The following MAP2 variants were observed in gnomAD, a reference collection of about 807,000 sequenced individuals.
MAP2 encodes microtubule-associated protein 2.
In MAP2, 14 loss-of-function variants were observed where a neutral mutation model predicts 137.6. The ratio of observed to expected loss-of-function variants is 0.10; its 90% CI spans 0.07 to 0.16. The LOEUF (loss-of-function observed/expected upper bound fraction) is 0.16, where lower values mean the gene tolerates loss of function less well. Ranked by LOEUF, MAP2 falls within the 10% of genes least tolerant of loss-of-function variation. The probability of loss-of-function intolerance (pLI) is 1.00; values close to 1 mark genes in which losing one functional copy is unlikely to be tolerated. For missense variants in MAP2, 2,088 were observed against 2,191.5 expected (o/e 0.95, Z 0.94); for synonymous variants, 786 against 782.3 (o/e 1.00, Z -0.08).
chr2:209,459,653 T>C lies in MAP2; in HGVS notation c.-222+35377T>C, dbSNP rs77153398. ...CTCTATGAGACTCCCTGGACTCTCT[T>C]ACATCTGAGGTGCTTTTCTACTGCC... On this transcript the variant is annotated intron_variant, in intron 1 of 15. Coordinates refer to ENST00000682079, the MANE Select transcript of MAP2 (RefSeq NM_001375505.1). Among the ~76,000 whole-genome samples, 1,231 of 152,332 alleles carry C rather than the reference T, an allele frequency of 8.1e-3. 15 individuals carry two copies. The highest frequency in any genetic ancestry group is 0.026 in the African/African-American group (1,099 of 41,568).
intron 2 of MAP2, among the ~76,000 whole-genome samples, chr2:209,554,743 T>G (rs928585023): frequency 2.6e-5 from 4 of 151,518 alleles, no homozygotes; most frequent in African/African-American, 9.7e-5. Flanking sequence ...CAACAGAGAC[T>G]GTCTCAAAAA....
In MAP2 at chr2:209,525,684, T is replaced by G. The variant is rs902680645; in HGVS notation, c.-172+18043T>G. ...TCTAACTAAAGCTTTACCAAAAGAATCCCAAAGAAGATAAACTTTCAAAAT... is the reference window on the plus strand; with the variant it reads ...TCTAACTAAAGCTTTACCAAAAGAAGCCCAAAGAAGATAAACTTTCAAAAT... On this transcript the variant is annotated intron_variant, in intron 2 of 15. Coordinates refer to ENST00000682079, the MANE Select transcript of MAP2 (RefSeq NM_001375505.1). Among the ~76,000 whole-genome samples, 7 of 152,114 alleles carry G rather than the reference T, an allele frequency of 4.6e-5. 1 individual carries two copies. Among genetic ancestry groups the G allele is most frequent in the African/African-American group, 1.7e-4 (7 of 41,442 alleles).
At chr2:209,482,180 G>A (rs2057792738) in intron 1 of MAP2, among the ~76,000 whole-genome samples, 1 of 152,180 alleles carries the variant, frequency 6.6e-6, no homozygotes, top group Admixed American at 6.5e-5. Flanking sequence ...GACTGATCAT[G>A]TGTCTTAGCT....
intron 12 of MAP2, among the ~76,000 whole-genome samples, chr2:209,708,479 A>G (rs953954637): frequency 6.6e-5 from 10 of 152,270 alleles, no homozygotes; most frequent in African/African-American, 4.8e-5. Context: ...GATAGAACCT[A>G]TGGTGATGGG....
At chr2:209,712,527 G>A (rs2153776066) in intron 13 of MAP2, among the ~76,000 whole-genome samples, 1 of 152,248 alleles carries the variant, frequency 6.6e-6, no homozygotes, top group South Asian at 2.1e-4. Flanking sequence ...GAAGTAGGAG[G>A]TATTTCCTCA....
chr2:209,624,778 G>A (rs1208745692), intron 3 of MAP2, among the ~76,000 whole-genome samples: 2 of 152,168 alleles, frequency 1.3e-5, no homozygotes, highest in Non-Finnish European at 2.9e-5. Flanking sequence ...TCCCTTGGAT[G>A]TAATACCTAT....
intron 1 of MAP2, among the ~76,000 whole-genome samples, chr2:209,496,927 G>T (rs1297358239): frequency 6.6e-6 from 1 of 151,370 alleles, no homozygotes; most frequent in African/African-American, 2.4e-5. Flanking sequence ...CTACAGGTGT[G>T]CACTACCATG....
chr2:209,434,898 A>ATATATATGT (rs1695456789), intron 1 of MAP2, among the ~76,000 whole-genome samples: 2 of 136,466 alleles, frequency 1.5e-5, no homozygotes, highest in African/African-American at 2.8e-5. Flanking sequence ...TATATATGTT[A>ATATATATGT]TATATATATG....
At chr2:209,495,694 T>A (rs960354192) in intron 1 of MAP2, among the ~76,000 whole-genome samples, 10 of 152,232 alleles carry the variant, frequency 6.6e-5, no homozygotes, top group African/African-American at 2.4e-4. Context: ...ATCTGCTGTG[T>A]TTGGCCTTTG....
At chr2:209,579,841 G>A (rs1388375008) in intron 2 of MAP2, 195 bp from the exon 3 acceptor site, 1 of 152,012 alleles carries the variant, frequency 6.6e-6, no homozygotes, top group African/African-American at 2.4e-5. Flanking sequence ...TCAGAGTAAA[G>A]ATCTTTTAAA....
intron 2 of MAP2, 29 bp from the exon 3 acceptor site, chr2:209,580,007 T>TAC (rs1366235721): frequency 6.6e-6 from 1 of 150,846 alleles, no homozygotes; most frequent in Non-Finnish European, 1.5e-5. Context: ...TATATATATA[T>TAC]ATATGTTTCT....
At chr2:209,652,071 C>T (rs747192152) in intron 4 of MAP2, among the ~76,000 whole-genome samples, 1 of 152,072 alleles carries the variant, frequency 6.6e-6, no homozygotes, top group Admixed American at 6.6e-5. Context: ...ACTGTGGAGA[C>T]GATAAGCCAT....
At chr2:209,697,914 C>A (rs1186574570) in intron 10 of MAP2, among the ~76,000 whole-genome samples, 1 of 152,076 alleles carries the variant, frequency 6.6e-6, no homozygotes, top group Middle Eastern at 3.2e-3. Context: ...AGTGGCACGA[C>A]CTCGGCTCAC....
At chr2:209,525,781 A>T (rs1357619821) in intron 2 of MAP2, among the ~76,000 whole-genome samples, 1 of 152,176 alleles carries the variant, frequency 6.6e-6, no homozygotes, top group Non-Finnish European at 1.5e-5. Context: ...ATAGTTCAAG[A>T]TTATATAAAT....
At chr2:209,592,082 T>G (rs1282018463) in intron 3 of MAP2, among the ~76,000 whole-genome samples, 2 of 152,132 alleles carry the variant, frequency 1.3e-5, no homozygotes, top group African/African-American at 4.8e-5. Flanking sequence ...TCCAGAGGCT[T>G]TAATGCCTTT....
At position 209,694,507 on chromosome 2, in the gene MAP2, T is replaced by C. The variant is rs2059703437; in HGVS notation, c.2337T>C (p.Ser779=). Residue 779 remains serine, a synonymous_variant, in exon 8 of 16, where the codon AGT becomes AGC. Coordinates refer to ENST00000682079, the MANE Select transcript of MAP2 (RefSeq NM_001375505.1). ...IEKVKATGEE[S]TQAEISCESP... Reference sequence around the variant, plus strand: ...AAGTAAAAGCTACTGGAGAAGAAAGTACTCAAGCGGAGATATCATGTGAGT... The same window carrying C: ...AAGTAAAAGCTACTGGAGAAGAAAGCACTCAAGCGGAGATATCATGTGAGT... 6.2e-7 allele frequency: 1 copy of C among 1,613,918 alleles called. No individual in the cohort carries two copies. The highest frequency in any genetic ancestry group is 1.7e-5 in the Admixed American group (1 of 59,992).
chr2:209,540,660 A>AG (rs1553581060), intron 2 of MAP2, among the ~76,000 whole-genome samples: 1 of 129,246 alleles, frequency 7.7e-6, no homozygotes, highest in African/African-American at 3.6e-5. Context: ...AAAAAAAAAA[A>AG]AAGAAGAAAA....
At position 209,559,479 on chromosome 2, in the gene MAP2, C is replaced by CAA. The variant is rs59788211; in HGVS notation, c.-171-20533_-171-20532dup. On this transcript the variant is annotated intron_variant, in intron 2 of 15. Transcript: ENST00000682079. ...TGAAACTCCATCTCTGCCAAAAATA[C>CAA]AAAAAAAAAAAAAAAAAAAAAAAAA... is the stretch of plus-strand genomic sequence containing the variant. 9.1e-3 allele frequency among the ~76,000 whole-genome samples: 342 copies of CAA among 37,510 alleles called. 1 individual carries two copies. Among genetic ancestry groups the CAA allele is most frequent in the Middle Eastern group, 0.025 (1 of 40 alleles). 24.6% of individuals were successfully genotyped at this position (37,510 alleles called of 152,430 possible).
At chr2:209,661,298 C>G (rs191325491) in intron 5 of MAP2, among the ~76,000 whole-genome samples, 16 of 152,228 alleles carry the variant, frequency 1.1e-4, no homozygotes, top group African/African-American at 3.9e-4. Flanking sequence ...TTATGCGGAG[C>G]AAAATAGCAC....
Sources: gnomAD v4.1 joint callset for allele counts (sites outside exome capture counted in the v4.1 genomes callset) on GRCh38, gnomAD v4.1.1 for gene constraint, MANE v1.5 for transcripts, NCBI Gene and HGNC (gene_info 2026-07-23, HGNC 2026-07-21) for gene names.